The following MCOLN2 variants were observed in gnomAD, a reference collection of about 807,000 sequenced individuals.
The protein encoded by MCOLN2 is mucolipin-2.
MCOLN2 carries 57 observed loss-of-function variants against 67.5 expected under a neutral mutation model. The observed-to-expected ratio is 0.84, with a 90% CI of 0.68 to 1.05. The LOEUF (loss-of-function observed/expected upper bound fraction) is 1.05, where lower values mean the gene tolerates loss of function less well. Among genes scored for constraint, MCOLN2 ranks in the 50% least tolerant of loss-of-function variants. The pLI is 0.00. For missense variants in MCOLN2, 620 were observed against 678.8 expected, an observed-to-expected ratio of 0.91 and a Z score of 0.96; for synonymous variants, 246 against 233.3, an observed-to-expected ratio of 1.05 and a Z score of -0.50.
intron 4 of MCOLN2, 26 bp downstream of exon 4, chr1:84,956,405 A>G: frequency 1.9e-6 from 3 of 1,599,226 alleles, no homozygotes; most frequent in Non-Finnish European, 2.6e-6. Context: ...CGATAAAGGT[A>G]CATCATGAAA....
Position 84,997,008 on chromosome 1 carries a change from C to A in MCOLN2, c.-136G>T. ...GCAAAGCGGGGTTCCCTTCTCTTAC[C>A]CTTTCTGCCGGCCGCGTGGTGCGCG... is the stretch of plus-strand genomic sequence containing the variant. On this transcript the variant is annotated 5_prime_UTR_variant, in exon 1 of 14. Coordinates refer to ENST00000370608, the MANE Select transcript of MCOLN2 (RefSeq NM_153259.4). The A allele has an allele frequency of 1.4e-6, 1 of 736,716 alleles. No individual in the cohort carries two copies. Among genetic ancestry groups the A allele is most frequent in the South Asian group, 1.8e-5 (1 of 55,840 alleles). 45.6% of individuals were successfully genotyped at this position (736,716 alleles called of 1,614,324 possible).
intron 2 of MCOLN2, among the ~76,000 whole-genome samples, chr1:84,965,030 G>A (rs1016770693): frequency 1.3e-5 from 2 of 152,146 alleles, no homozygotes; most frequent in African/African-American, 4.8e-5. Context: ...CAAAACTAGA[G>A]GAAAACTCTG....
At chr1:84,961,427 C>A (rs1557649945) in intron 2 of MCOLN2, among the ~76,000 whole-genome samples, 1 of 152,184 alleles carries the variant, frequency 6.6e-6, no homozygotes, top group Non-Finnish European at 1.5e-5. Flanking sequence ...ACTCAAAGCT[C>A]ATCAAAACTC....
At chr1:84,992,665 T>A (rs1230282359) in intron 1 of MCOLN2, among the ~76,000 whole-genome samples, 2 of 152,238 alleles carry the variant, frequency 1.3e-5, no homozygotes, top group Non-Finnish European at 2.9e-5. Flanking sequence ...GTAAAGCAAG[T>A]CACACAAATT....
intron 1 of MCOLN2, among the ~76,000 whole-genome samples, chr1:84,985,389 G>T (rs530211288): frequency 2.6e-5 from 4 of 152,160 alleles, no homozygotes; most frequent in African/African-American, 9.7e-5. Flanking sequence ...GCACAGTATG[G>T]GTTCTTCTAG....
In MCOLN2 at chr1:84,992,744, A is replaced by G. The variant is rs565598876; in HGVS notation, c.77+4052T>C. Among the ~76,000 whole-genome samples the G allele has an allele frequency of 5.6e-4, 36 of 63,786 alleles. No individual in the cohort carries two copies. In the South Asian group the frequency reaches 0.025, roughly 44 times the overall value. 41.8% of individuals were successfully genotyped at this position (63,786 alleles called of 152,430 possible). A position where few individuals can be genotyped will look rare whatever the true frequency, so the allele number is the denominator to read the frequency against. On this transcript the variant is annotated intron_variant, in intron 1 of 13. Transcript: ENST00000370608. The stretch of plus-strand genomic sequence containing the variant: ...CATAGTCTATTAAGTCTGCAATAGC[A>G]TTATGTCTAAAAAAACCACCTTAAT...
chr1:84,987,447 C>CATATATACATATATGTATATATAGAT (rs1557665396), intron 1 of MCOLN2, among the ~76,000 whole-genome samples: 6 of 113,116 alleles, frequency 5.3e-5, no homozygotes, highest in African/African-American at 2.4e-4. Context: ...TAGATATATA[C>CATATATACATATATGTATATATAGAT]ATATATACAT....
chr1:84,940,464 A>G (rs1336540834), intron 8 of MCOLN2, among the ~76,000 whole-genome samples: 1 of 152,224 alleles, frequency 6.6e-6, no homozygotes. Flanking sequence ...AAAGTATTTT[A>G]TGCTTCATTA....
At chr1:84,987,494 G>GTATATAACTA (rs371006356) in intron 1 of MCOLN2, among the ~76,000 whole-genome samples, 1 of 53,548 alleles carries the variant, frequency 1.9e-5, no homozygotes, top group African/African-American at 7.3e-5. Flanking sequence ...ATATACATAT[G>GTATATAACTA]TATACATAGA....
rs753692570 is a variant in MCOLN2 at position 84,929,696 on chromosome 1, A to G, written c.1543-17T>C. On this transcript the variant is annotated splice_polypyrimidine_tract_variant and intron_variant, in intron 12 of 13. Coordinates refer to ENST00000370608, the MANE Select transcript of MCOLN2 (RefSeq NM_153259.4). Reference sequence around the variant, plus strand: ...TTGGAATTTCTTTAGAAAGTACACAATGTTGTTACCTTATTTATAAGGCAT... The same window carrying G: ...TTGGAATTTCTTTAGAAAGTACACAGTGTTGTTACCTTATTTATAAGGCAT... 15 of 1,608,866 alleles carry G rather than the reference A, an allele frequency of 9.3e-6. No individual in the cohort carries two copies. The highest frequency in any genetic ancestry group is 6.6e-5 in the South Asian group (6 of 90,732).
At chr1:84,933,671 T>A (rs951817859) in intron 11 of MCOLN2, among the ~76,000 whole-genome samples, 1 of 152,218 alleles carries the variant, frequency 6.6e-6, no homozygotes, top group Non-Finnish European at 1.5e-5. Flanking sequence ...TCTTTTGGAA[T>A]CCAGTCAACT....
At chr1:84,938,173 A>C in intron 9 of MCOLN2, 91 bp from the exon 10 acceptor site, 1 of 825,722 alleles carries the variant, frequency 1.2e-6, no homozygotes, top group Admixed American at 3.0e-5. Context: ...TTAATAAAAA[A>C]AGAACTATCT....
At chr1:84,960,000 G>A (rs1648994017) in intron 2 of MCOLN2, among the ~76,000 whole-genome samples, 1 of 152,180 alleles carries the variant, frequency 6.6e-6, no homozygotes, top group Admixed American at 6.5e-5. Flanking sequence ...AGGAGTTCAA[G>A]GCTAGCCTTG....
At chr1:84,949,168 A>C (rs1648281223) in intron 6 of MCOLN2, among the ~76,000 whole-genome samples, 1 of 152,220 alleles carries the variant, frequency 6.6e-6, no homozygotes, top group Admixed American at 6.5e-5. Flanking sequence ...AGAATTTCTG[A>C]ACTTGAAGAC....
At chr1:84,953,333 T>C (rs1409061848) in intron 4 of MCOLN2, among the ~76,000 whole-genome samples, 1 of 152,118 alleles carries the variant, frequency 6.6e-6, no homozygotes, top group African/African-American at 2.4e-5. Flanking sequence ...GGGCGGATCA[T>C]GAGGTTAGGA....
chr1:84,965,790 G>C (rs1649350656), intron 1 of MCOLN2, 82 bp from the exon 2 acceptor site: 1 of 1,338,296 alleles, frequency 7.5e-7, no homozygotes, highest in African/African-American at 1.5e-5. Flanking sequence ...CCCTAAACTT[G>C]AGTTGGTACA....
chr1:84,927,046 G>GT, intron 13 of MCOLN2, among the ~76,000 whole-genome samples: 1 of 151,080 alleles, frequency 6.6e-6, no homozygotes, highest in South Asian at 2.1e-4. Context: ...ATGTTGGGGG[G>GT]TAGGGGGAAA....
chr1:84,963,033 A>G lies in MCOLN2; in HGVS notation c.237+2516T>C, dbSNP rs554516481. ...ACTGCAAACTCTGAGGACAGGACCT[A>G]TATCTAGAATAGAAACAGTCTGAGA... On this transcript the variant is annotated intron_variant, in intron 2 of 13. Coordinates refer to ENST00000370608, the MANE Select transcript of MCOLN2 (RefSeq NM_153259.4). Among the ~76,000 whole-genome samples the G allele has an allele frequency of 9.8e-4, 150 of 152,342 alleles. 2 individuals carry two copies. In the Middle Eastern group the frequency reaches 0.01, roughly 10 times the overall value.
At chr1:84,956,703 G>T (rs1414395034) in intron 3 of MCOLN2, 119 bp from the exon 4 acceptor site, 11 of 780,672 alleles carry the variant, frequency 1.4e-5, no homozygotes, top group Middle Eastern at 2.8e-4. Flanking sequence ...GCTCTCAATA[G>T]AACTTCCCAA....
Sources: allele counts gnomAD v4.1 joint callset (sites outside exome capture counted in the v4.1 genomes callset), GRCh38; gene constraint gnomAD v4.1.1; transcripts MANE v1.5; gene names NCBI Gene and HGNC (gene_info 2026-07-23, HGNC 2026-07-21).